SOX5: variants seen among roughly 807,000 people sequenced by gnomAD.
SOX5 encodes SRY-box transcription factor 5, also known as transcription factor SOX-5.
In SOX5, 9 loss-of-function variants were observed where a neutral mutation model predicts 92.0. The observed-to-expected ratio is 0.10, with a 90% CI of 0.06 to 0.17. The LOEUF is 0.17. Ranked by LOEUF, SOX5 falls within the 10% of genes least tolerant of loss-of-function variation. The probability of loss-of-function intolerance (pLI) is 1.00; values close to 1 mark genes in which losing one functional copy is unlikely to be tolerated. For synonymous variants in SOX5, 344 were observed against 336.3 expected (o/e 1.02, Z -0.25); for missense variants, 642 against 944.5 (o/e 0.68, Z 4.20).
At chr12:24,053,710 C>G (rs969925005) in intron 4 of SOX5, among the ~76,000 whole-genome samples, 2 of 152,178 alleles carry the variant, frequency 1.3e-5, no homozygotes, top group Non-Finnish European at 2.9e-5. Flanking sequence ...AATTGCTGCA[C>G]CTCATGTCTT....
intron 3 of SOX5, among the ~76,000 whole-genome samples, chr12:23,829,334 T>C (rs2096279285): frequency 6.6e-6 from 1 of 152,082 alleles, no homozygotes; most frequent in Non-Finnish European, 1.5e-5. Flanking sequence ...CCAGCTAGTC[T>C]TGACAAATCT....
chr12:24,143,629 G>GA (rs892285855), intron 4 of SOX5, among the ~76,000 whole-genome samples: 6 of 151,850 alleles, frequency 4.0e-5, no homozygotes, highest in South Asian at 2.1e-4. Flanking sequence ...ACACTAGAGG[G>GA]AAAAAAAGAT....
intron 8 of SOX5, among the ~76,000 whole-genome samples, chr12:23,614,534 G>T (rs2137856452): frequency 6.6e-6 from 1 of 152,316 alleles, no homozygotes. Flanking sequence ...ATTTGCATGG[G>T]TGTATAATAT....
intron 2 of SOX5, among the ~76,000 whole-genome samples, chr12:24,282,744 T>C (rs1945366778): frequency 6.6e-6 from 1 of 152,210 alleles, no homozygotes; most frequent in Non-Finnish European, 1.5e-5. Context: ...TTCCTAGTGC[T>C]GAGGCGCAGG....
intron 4 of SOX5, among the ~76,000 whole-genome samples, chr12:23,992,884 T>C (rs982224630): frequency 1.3e-5 from 2 of 152,168 alleles, no homozygotes; most frequent in African/African-American, 4.8e-5. Flanking sequence ...AAGACAAGAC[T>C]CTATGCTGGC....
intron 2 of SOX5, among the ~76,000 whole-genome samples, chr12:23,857,759 G>C (rs1262039012): frequency 9.4e-5 from 14 of 149,464 alleles, no homozygotes; most frequent in African/African-American, 3.4e-4. Flanking sequence ...TTGAGGTGGA[G>C]TCTTGCTCTG....
chr12:24,519,383 TA>T (rs1474416064), intron 1 of SOX5, among the ~76,000 whole-genome samples: 1 of 151,444 alleles, frequency 6.6e-6, no homozygotes, highest in Non-Finnish European at 1.5e-5. Context: ...GAAGAGAAGG[TA>T]AAGAGGAGAT....
intron 4 of SOX5, among the ~76,000 whole-genome samples, chr12:23,996,482 A>G (rs1951042378): frequency 1.3e-5 from 2 of 152,184 alleles, no homozygotes. Flanking sequence ...TGCTGAAAAG[A>G]AGTACTCAAA....
chr12:23,665,716 T>C lies in SOX5; in HGVS notation c.811-152A>G, dbSNP rs1044938911. On this transcript the variant is annotated intron_variant, in intron 6 of 14. Transcript: ENST00000451604. Reference sequence around the variant, plus strand: ...TGGGATACTGGGCTTGAGGATATGCTTTGGGACTACCTTAAACAGCAGAAC... The same window carrying C: ...TGGGATACTGGGCTTGAGGATATGCCTTGGGACTACCTTAAACAGCAGAAC... The C allele has an allele frequency of 1.5e-5, 12 of 822,266 alleles. No individual in the cohort carries two copies. In the African/African-American group the frequency reaches 2.1e-4, roughly 14 times the overall value. 50.9% of individuals were successfully genotyped at this position (822,266 alleles called of 1,614,324 possible). A position where few individuals can be genotyped will look rare whatever the true frequency, so the allele number is the denominator to read the frequency against.
intron 4 of SOX5, among the ~76,000 whole-genome samples, chr12:23,999,666 A>AGTC (rs1951405991): frequency 6.6e-6 from 1 of 152,094 alleles, no homozygotes; most frequent in African/African-American, 2.4e-5. Flanking sequence ...ACTTTAAAAA[A>AGTC]TTGTCTTTAA....
chr12:23,752,895 A>G (rs1013624390), intron 4 of SOX5, among the ~76,000 whole-genome samples: 5 of 151,868 alleles, frequency 3.3e-5, no homozygotes, highest in Non-Finnish European at 7.4e-5. Flanking sequence ...TCCTTTTTAC[A>G]TGTTTGCTAG....
intron 6 of SOX5, among the ~76,000 whole-genome samples, chr12:23,719,995 A>G (rs1467140147): frequency 1.3e-5 from 2 of 152,092 alleles, no homozygotes; most frequent in Non-Finnish European, 2.9e-5. Context: ...GGTTTAAGTA[A>G]CGATGTGTTG....
At chr12:23,656,633 C>T (rs1385851578) in intron 7 of SOX5, among the ~76,000 whole-genome samples, 1 of 151,930 alleles carries the variant, frequency 6.6e-6, no homozygotes, top group Non-Finnish European at 1.5e-5. Context: ...AGTTTGTCAT[C>T]TATGTAGCAT....
chr12:23,831,915 T>C (rs376079775), intron 3 of SOX5, among the ~76,000 whole-genome samples: 2 of 146,908 alleles, frequency 1.4e-5, no homozygotes, highest in African/African-American at 5.1e-5. Flanking sequence ...CAGATACAGA[T>C]GCTAAATAAA....
intron 1 of SOX5, among the ~76,000 whole-genome samples, chr12:23,941,386 A>G (rs1943604321): frequency 6.6e-6 from 1 of 151,622 alleles, no homozygotes; most frequent in East Asian, 1.9e-4. Flanking sequence ...AACTGTTTAT[A>G]GGTCAAATTA....
intron 10 of SOX5, among the ~76,000 whole-genome samples, chr12:23,564,738 T>C (rs1946781980): frequency 1.3e-5 from 2 of 152,248 alleles, no homozygotes; most frequent in African/African-American, 4.8e-5. Flanking sequence ...AAAGTGTTAT[T>C]AATACTCTTT....
At chr12:23,688,758 A>G (rs886444851) in intron 6 of SOX5, among the ~76,000 whole-genome samples, 1 of 152,142 alleles carries the variant, frequency 6.6e-6, no homozygotes, top group Non-Finnish European at 1.5e-5. Context: ...TATGTCCACA[A>G]TAATGTAAAT....
intron 1 of SOX5, among the ~76,000 whole-genome samples, chr12:24,443,575 T>C (rs1016711158): frequency 6.6e-6 from 1 of 152,214 alleles, no homozygotes; most frequent in African/African-American, 2.4e-5. Context: ...CACAGTCAAG[T>C]GTCTATTTGT....
intron 11 of SOX5, among the ~76,000 whole-genome samples, chr12:23,551,038 G>A (rs1424051175): frequency 6.6e-6 from 1 of 151,904 alleles, no homozygotes; most frequent in Admixed American, 6.6e-5. Flanking sequence ...GATAGGCTAT[G>A]GATCAGCTAT....
Sources: allele counts gnomAD v4.1 joint callset (sites outside exome capture counted in the v4.1 genomes callset), GRCh38; gene constraint gnomAD v4.1.1; transcripts MANE v1.5; gene names NCBI Gene and HGNC (gene_info 2026-07-23, HGNC 2026-07-21).